Variants in IWS1 observed in about 807,000 individuals in gnomAD.
The protein encoded by IWS1 is interacts with SUPT6H, CTD assembly factor 1.
Under a neutral mutation model 86.7 loss-of-function variants are expected in IWS1, and 27 were observed. The observed-to-expected ratio is 0.31, with a 90% CI of 0.23 to 0.43. The LOEUF is 0.43. IWS1 is among the 20% of genes least tolerant of loss of function. The probability of loss-of-function intolerance (pLI) is 1.00; values close to 1 mark genes in which losing one functional copy is unlikely to be tolerated. For missense variants in IWS1, 827 were observed against 1,000.8 expected (o/e 0.83, Z 2.34); for synonymous variants, 313 against 335.1 (o/e 0.93, Z 0.72).
chr2:127,512,751 C>T (rs1691539676), intron 2 of IWS1, among the ~76,000 whole-genome samples: 1 of 152,184 alleles, frequency 6.6e-6, no homozygotes, highest in South Asian at 2.1e-4. Context: ...CAATGACGCA[C>T]TATATAGTAG....
At chr2:127,522,515 A>G (rs1356538444) in intron 2 of IWS1, among the ~76,000 whole-genome samples, 1 of 152,246 alleles carries the variant, frequency 6.6e-6, no homozygotes, top group Admixed American at 6.5e-5. Flanking sequence ...TGATAAGTCC[A>G]AAGCACCTGC....
intron 2 of IWS1, among the ~76,000 whole-genome samples, chr2:127,517,084 T>A (rs544424225): frequency 4.5e-4 from 69 of 152,314 alleles, no homozygotes; most frequent in African/African-American, 1.6e-3. Flanking sequence ...CGGAAAACTA[T>A]AAATCACTGT....
At chr2:127,508,081 TG>T (rs2104711243) in intron 2 of IWS1, among the ~76,000 whole-genome samples, 1 of 152,234 alleles carries the variant, frequency 6.6e-6, no homozygotes, top group African/African-American at 2.4e-5. Context: ...ATACTCAACG[TG>T]TATTTGTTAA....
intron 2 of IWS1, 136 bp downstream of exon 2, chr2:127,523,540 T>C (rs1692223941): frequency 1.7e-6 from 1 of 586,708 alleles, no homozygotes; most frequent in Admixed American, 3.4e-5. Flanking sequence ...CAAGCGGTTT[T>C]CTATTAACTT....
intron 2 of IWS1, among the ~76,000 whole-genome samples, chr2:127,514,112 G>A (rs987469566): frequency 1.1e-4 from 16 of 152,302 alleles, no homozygotes; most frequent in African/African-American, 3.9e-4. Context: ...CCTTTCCCAA[G>A]GCTACCTACA....
chr2:127,512,787 C>T (rs1291423980), intron 2 of IWS1, among the ~76,000 whole-genome samples: 1 of 152,178 alleles, frequency 6.6e-6, no homozygotes, highest in African/African-American at 2.4e-5. Flanking sequence ...TCTGCCGCAC[C>T]CACATGGATA....
intron 2 of IWS1, among the ~76,000 whole-genome samples, chr2:127,521,937 C>G (rs1692119133): frequency 1.3e-5 from 2 of 152,216 alleles, no homozygotes; most frequent in African/African-American, 4.8e-5. Flanking sequence ...TGATTAATCT[C>G]TGAATGCTGT....
chr2:127,510,772 T>C (rs1460385128), intron 2 of IWS1, among the ~76,000 whole-genome samples: 9 of 152,076 alleles, frequency 5.9e-5, no homozygotes, highest in Admixed American at 5.2e-4. Context: ...TTTATAATAA[T>C]GATGCAAACT....
intron 13 of IWS1, chr2:127,484,609 G>A (rs1689827115): frequency 6.6e-6 from 1 of 152,168 alleles, no homozygotes; most frequent in Non-Finnish European, 1.5e-5. Context: ...AAGCAGATTG[G>A]CCACTAAGAG....
At chr2:127,492,127 G>A (rs762267643) in intron 9 of IWS1, 39 bp from the exon 10 acceptor site, 12 of 1,275,174 alleles carry the variant, frequency 9.4e-6, no homozygotes, top group East Asian at 4.6e-5. Flanking sequence ...TTAATCACTC[G>A]GAAGCTGGGG....
intron 7 of IWS1, among the ~76,000 whole-genome samples, chr2:127,495,426 G>C (rs1229873476): frequency 6.6e-6 from 1 of 152,066 alleles, no homozygotes; most frequent in Non-Finnish European, 1.5e-5. Context: ...TATACCTGTT[G>C]CATATATTTC....
intron 13 of IWS1, among the ~76,000 whole-genome samples, chr2:127,483,143 C>T (rs1016782197): frequency 6.6e-6 from 1 of 151,730 alleles, no homozygotes; most frequent in Admixed American, 6.6e-5. Context: ...TTACAGATGG[C>T]ATTAATTTTA....
chr2:127,502,777 G>C, intron 5 of IWS1, 38 bp downstream of exon 5: 2 of 1,167,934 alleles, frequency 1.7e-6, no homozygotes, highest in Non-Finnish European at 1.3e-6. Flanking sequence ...CCAAAAAAAA[G>C]CACAATCAAG....
intron 5 of IWS1, 163 bp downstream of exon 5, chr2:127,502,652 T>C (rs1317529744): frequency 1.5e-5 from 7 of 458,498 alleles, no homozygotes; most frequent in Non-Finnish European, 2.7e-5. Flanking sequence ...TCTTTGTATA[T>C]ACGCTTTCAT....
In IWS1 at chr2:127,486,668, A is replaced by G. The variant is rs979517107; in HGVS notation, c.2217-4T>C. On this transcript the variant is annotated splice_polypyrimidine_tract_variant and splice_region_variant and intron_variant, in intron 12 of 13. Coordinates refer to ENST00000295321, the MANE Select transcript of IWS1 (RefSeq NM_017969.3). ...AGGATCTCCAGGTCTAAGAGCCCTG[A>G]AAAAGGGAAGAGGAAGAGCATGCTT... 1.2e-6 allele frequency: 2 copies of G among 1,608,592 alleles called. No homozygotes were observed. Among genetic ancestry groups the G allele is most frequent in the Admixed American group, 1.7e-5 (1 of 59,970 alleles).
chr2:127,491,180 CAAT>C (rs974820750), intron 10 of IWS1, among the ~76,000 whole-genome samples: 3 of 152,230 alleles, frequency 2.0e-5, no homozygotes, highest in Non-Finnish European at 4.4e-5. Flanking sequence ...GTAACAACAA[CAAT>C]GGCTGTTTCT....
intron 6 of IWS1, among the ~76,000 whole-genome samples, chr2:127,496,988 G>A (rs375312728): frequency 6.6e-6 from 1 of 152,158 alleles, no homozygotes; most frequent in Admixed American, 6.5e-5. Context: ...TGTACCCTAG[G>A]TGCGATAGGT....
chr2:127,497,394 G>GA (rs1379702746), intron 6 of IWS1, among the ~76,000 whole-genome samples: 1 of 152,082 alleles, frequency 6.6e-6, no homozygotes. Flanking sequence ...AGCATGAGTA[G>GA]AAAAAATGAA....
intron 2 of IWS1, among the ~76,000 whole-genome samples, chr2:127,517,640 G>A (rs2104734834): frequency 1.3e-5 from 2 of 152,270 alleles, no homozygotes; most frequent in East Asian, 3.9e-4. Context: ...GTAAAATGGT[G>A]TAACCACTGT....
Sources: gnomAD v4.1 joint callset for allele counts (sites outside exome capture counted in the v4.1 genomes callset) on GRCh38, gnomAD v4.1.1 for gene constraint, MANE v1.5 for transcripts, NCBI Gene and HGNC (gene_info 2026-07-23, HGNC 2026-07-21) for gene names.